Variants in TMEM67 observed in about 807,000 individuals in gnomAD.
TMEM67 encodes transmembrane protein 67.
Under a neutral mutation model 136.6 loss-of-function variants are expected in TMEM67, and 124 were observed. The observed-to-expected ratio is 0.91, with a 90% confidence interval of 0.78 to 1.05. TMEM67 has a LOEUF of 1.05. TMEM67 is among the 50% of genes least tolerant of loss of function. TMEM67 has a pLI of 0.00. For missense variants in TMEM67, 1,107 were observed against 1,178.4 expected (o/e 0.94, Z 0.89); for synonymous variants, 364 against 390.5 (o/e 0.93, Z 0.80).
chr8:93,789,657 T>A (rs1302020425), intron 14 of TMEM67, among the ~76,000 whole-genome samples: 21 of 33,894 alleles, frequency 6.2e-4, no homozygotes, highest in Admixed American at 4.3e-3. Flanking sequence ...AAAAAATATA[T>A]ATATATATAT....
chr8:93,763,269 G>C (rs545795106), intron 3 of TMEM67, among the ~76,000 whole-genome samples: 6 of 152,174 alleles, frequency 3.9e-5, no homozygotes, highest in African/African-American at 1.4e-4. Context: ...GTATTTTGTA[G>C]CATGGATATA....
intron 26 of TMEM67, among the ~76,000 whole-genome samples, chr8:93,810,254 C>T (rs1001568261): frequency 6.8e-6 from 1 of 147,966 alleles, no homozygotes; most frequent in Non-Finnish European, 1.5e-5. Context: ...CAGGCATGAG[C>T]CACCACCCCC....
At chr8:93,777,869 C>T (rs1213508792) in intron 7 of TMEM67, among the ~76,000 whole-genome samples, 1 of 152,110 alleles carries the variant, frequency 6.6e-6, no homozygotes, top group Non-Finnish European at 1.5e-5. Context: ...TCTATTAGGT[C>T]CATTTGGTGC....
In TMEM67 at chr8:93,765,464, C is replaced by T. The variant is rs777374995; in HGVS notation, c.565C>T (p.Pro189Ser). Residue 189 changes from proline (P) to serine (S), a missense_variant, in exon 5 of 28, where the codon CCT (proline) becomes TCT (serine). By Grantham distance (74) the Pro-to-Ser change is moderately conservative. Coordinates refer to ENST00000453321, the MANE Select transcript of TMEM67 (RefSeq NM_153704.6). ...CAGCAGGTCCTGTGCATGTTCAGAA[C>T]CTAACATTTTAGTAAGGCTAACCAA... ...NTSRSCACSE[P>S]NILTGGLCFS... The T allele has an allele frequency of 3.1e-6, 5 of 1,612,030 alleles. No homozygotes were observed. In the Admixed American group the frequency reaches 6.7e-5, roughly 21 times the overall value.
chr8:93,827,539 A>C, the TMEM67 span, among the ~76,000 whole-genome samples: 3 of 150,758 alleles, frequency 2.0e-5, no homozygotes, highest in Admixed American at 1.3e-4. Flanking sequence ...CTGGGACTAC[A>C]GGCATGTGCC....
Position 93,804,382 on chromosome 8 carries a change from G to A in TMEM67, c.2323-380G>A, listed in dbSNP as rs1363878155. ...CAGGCTGGACTACAGTCGTGCAGTC[G>A]TAGCTTACTGCAACCTTGACCTCCT... On this transcript the variant is annotated intron_variant, in intron 22 of 27. Coordinates refer to ENST00000453321, the MANE Select transcript of TMEM67 (RefSeq NM_153704.6). 4.2e-5 allele frequency among the ~76,000 whole-genome samples: 5 copies of A among 118,960 alleles called. No homozygotes were observed. In the Admixed American group the frequency reaches 5.6e-4, roughly 13 times the overall value. 78.0% of individuals were successfully genotyped at this position (118,960 alleles called of 152,430 possible). A position where few individuals can be genotyped will look rare whatever the true frequency, so the allele number is the denominator to read the frequency against.
At position 93,781,712 on chromosome 8, in the gene TMEM67, A is replaced by C; in HGVS notation, c.1033A>C (p.Lys345Gln). 1 of 1,610,584 alleles carries C rather than the reference A, an allele frequency of 6.2e-7. No homozygotes were observed. The highest frequency in any genetic ancestry group is 8.5e-7 in the Non-Finnish European group (1 of 1,177,704). ...ASYDIRGNFL[K>Q]WQTLEGGVLQ... Reference sequence around the variant, plus strand: ...CTATGATATAAGAGGAAATTTTCTCAAGTGGCAAACTTTAGAAGGAGGTGT... The same window carrying C: ...CTATGATATAAGAGGAAATTTTCTCCAGTGGCAAACTTTAGAAGGAGGTGT... The change falls in exon 10 of 28, where the codon AAG becomes CAG. Residue 345 changes from lysine (K) to glutamine (Q), a missense_variant. Lys to Gln is a moderately conservative substitution (Grantham distance 53, BLOSUM62 1). Around this residue, in one of 3 missense-constraint regions of TMEM67, gnomAD observed 925 missense variants for 1,002.4 expected, o/e 0.92. Coordinates refer to ENST00000453321, the MANE Select transcript of TMEM67 (RefSeq NM_153704.6).
At chr8:93,802,105 A>G (rs1317287779) in intron 21 of TMEM67, among the ~76,000 whole-genome samples, 1 of 152,200 alleles carries the variant, frequency 6.6e-6, no homozygotes, top group African/African-American at 2.4e-5. Context: ...TGTCTTTCCC[A>G]TGAAAAAGAT....
At position 93,764,051 on chromosome 8, in the gene TMEM67, A is replaced by C; in HGVS notation, c.506+110A>C. The C allele has an allele frequency of 5.2e-6, 4 of 772,468 alleles. 1 individual carries two copies. The South Asian group carries it at 5.9e-5, about 11-fold the overall frequency. 47.9% of individuals were successfully genotyped at this position (772,468 alleles called of 1,614,324 possible). A position where few individuals can be genotyped will look rare whatever the true frequency, so the allele number is the denominator to read the frequency against. ...TATCACTTAGTTTTCACAATAACCC[A>C]AGGAAGGATAGAAGTAGACATTAAC... On this transcript the variant is annotated intron_variant, in intron 4 of 27. Coordinates refer to ENST00000453321, the MANE Select transcript of TMEM67 (RefSeq NM_153704.6).
chr8:93,758,091 A>C (rs1258988321), intron 2 of TMEM67, among the ~76,000 whole-genome samples: 1 of 152,226 alleles, frequency 6.6e-6, no homozygotes, highest in African/African-American at 2.4e-5. Flanking sequence ...TAAAAATTAG[A>C]ATAGAGTTTT....
At chr8:93,825,294 T>C in the TMEM67 span, among the ~76,000 whole-genome samples, 2 of 152,144 alleles carry the variant, frequency 1.3e-5, no homozygotes, top group Non-Finnish European at 2.9e-5. Flanking sequence ...AGGACAGTGC[T>C]CCAGAAAAAA....
Position 93,787,818 on chromosome 8 carries a change from C to G in TMEM67, c.1413-26C>G, listed in dbSNP as rs746209627. The G allele has an allele frequency of 1.1e-5, 17 of 1,530,562 alleles. No individual in the cohort carries two copies. In the South Asian group the frequency reaches 1.6e-4, roughly 14 times the overall value. 94.8% of individuals were successfully genotyped at this position (1,530,562 alleles called of 1,614,324 possible). A position where few individuals can be genotyped will look rare whatever the true frequency, so the allele number is the denominator to read the frequency against. ...TTTAAAGGCCCGGATATACTGATTA[C>G]TATAAATGCATTTTCTTTTAAATAG... On this transcript the variant is annotated intron_variant, in intron 13 of 27. Transcript: ENST00000453321.
intron 6 of TMEM67, among the ~76,000 whole-genome samples, chr8:93,765,909 A>AG (rs1287575924): frequency 1.3e-5 from 2 of 152,192 alleles, no homozygotes; most frequent in Non-Finnish European, 2.9e-5. Flanking sequence ...TATAGGATGC[A>AG]GTATAATACA....
At chr8:93,795,260 G>C in intron 16 of TMEM67, 149 bp from the exon 17 acceptor site, 1 of 720,356 alleles carries the variant, frequency 1.4e-6, no homozygotes. Context: ...GGAAGCAGGT[G>C]GTCTTTATAG....
At position 93,809,111 on chromosome 8, in the gene TMEM67, A is replaced by T; in HGVS notation, c.2611A>T (p.Ile871Leu). 6.2e-7 allele frequency: 1 copy of T among 1,610,614 alleles called. No individual in the cohort carries two copies. The highest frequency in any genetic ancestry group is 8.5e-7 in the Non-Finnish European group (1 of 1,177,380). ...SSSASTFEQS[I>L]KAYHMMNKFL... ...ATCAGCAAGTACTTTTGAGCAGAGT[A>T]TAAAAGCATATCATATGATGAATAA... Residue 871 changes from isoleucine to leucine, a missense_variant, in exon 25 of 28, where the codon ATA (isoleucine) becomes TTA (leucine). Ile to Leu is a conservative substitution (Grantham distance 5). This residue lies in a region of TMEM67 where 925 missense variants were observed against 1,002.4 expected (regional missense o/e 0.92). Coordinates refer to ENST00000453321, the MANE Select transcript of TMEM67 (RefSeq NM_153704.6).
intron 23 of TMEM67, among the ~76,000 whole-genome samples, chr8:93,805,133 C>A (rs1015108641): frequency 1.3e-5 from 2 of 152,072 alleles, no homozygotes; most frequent in African/African-American, 4.8e-5. Context: ...CCACTACACC[C>A]GGCTAATTTT....
intron 26 of TMEM67, 39 bp downstream of exon 26, chr8:93,809,926 T>G (rs749261014): frequency 7.4e-7 from 1 of 1,348,266 alleles, no homozygotes; most frequent in East Asian, 2.3e-5. Flanking sequence ...GATAACTGTT[T>G]TCAAAGTTTG....
chr8:93,808,889 C>T lies in TMEM67; in HGVS notation c.2489C>T (p.Thr830Ile), dbSNP rs1362459028. ...TTGGTACCCAACACAGATGGTCAGA[C>T]TTTTGAGATTGCAATTTCTAACCAG... is the stretch of plus-strand genomic sequence containing the variant. ...RGLVPNTDGQ[T>I]FEIAISNQMR... Residue 830 changes from threonine to isoleucine, a missense_variant, in exon 24 of 28, where the codon ACT (threonine) becomes ATT (isoleucine). By Grantham distance (89) the Thr-to-Ile change is moderately conservative. Around this residue, in one of 3 missense-constraint regions of TMEM67, gnomAD observed 925 missense variants for 1,002.4 expected, o/e 0.92. Transcript: ENST00000453321. 2 of 1,612,914 alleles carry T rather than the reference C, an allele frequency of 1.2e-6. No individual in the cohort carries two copies. The highest frequency in any genetic ancestry group is 1.7e-6 in the Non-Finnish European group (2 of 1,179,330).
Position 93,801,090 on chromosome 8 carries a change from C to G in TMEM67, c.2241+1332C>G, listed in dbSNP as rs553641257. 7.2e-5 allele frequency among the ~76,000 whole-genome samples: 11 copies of G among 152,028 alleles called. No homozygotes were observed. The East Asian group carries it at 1.9e-3, about 27-fold the overall frequency. On this transcript the variant is annotated intron_variant, in intron 21 of 27. Coordinates refer to ENST00000453321, the MANE Select transcript of TMEM67 (RefSeq NM_153704.6). Reference sequence around the variant, plus strand: ...TCAGATACTCATAAACAGAAAGAGTCCTTCTGTTTACTTTAAAATTTCCTT... The same window carrying G: ...TCAGATACTCATAAACAGAAAGAGTGCTTCTGTTTACTTTAAAATTTCCTT...
Sources: allele counts gnomAD v4.1 joint callset (sites outside exome capture counted in the v4.1 genomes callset), GRCh38; gene constraint gnomAD v4.1.1; regional missense constraint gnomAD v4.1.1; transcripts MANE v1.5; gene names NCBI Gene and HGNC (gene_info 2026-07-23, HGNC 2026-07-21).